The following ANKRD44 variants were observed in gnomAD, a reference collection of about 807,000 sequenced individuals.
The protein encoded by ANKRD44 is serine/threonine-protein phosphatase 6 regulatory ankyrin repeat subunit B.
In ANKRD44, 35 loss-of-function variants were observed where a neutral mutation model predicts 116.0. The ratio of observed to expected loss-of-function variants is 0.30; its 90% CI spans 0.23 to 0.40. ANKRD44 has a LOEUF of 0.40. Ranked by LOEUF, ANKRD44 falls within the 10% of genes least tolerant of loss-of-function variation. The pLI is 1.00. For missense variants in ANKRD44, 1,014 were observed against 1,242.6 expected, an observed-to-expected ratio of 0.82 and a Z score of 2.77; for synonymous variants, 435 against 461.8, an observed-to-expected ratio of 0.94 and a Z score of 0.74.
chr2:197,124,124 T>A (rs1017611616), intron 6 of ANKRD44, among the ~76,000 whole-genome samples: 3 of 152,190 alleles, frequency 2.0e-5, no homozygotes, highest in African/African-American at 7.2e-5. Flanking sequence ...TGCCACGCAG[T>A]CATTTCATAT....
At chr2:197,106,368 C>T in intron 9 of ANKRD44, among the ~76,000 whole-genome samples, 2 of 152,050 alleles carry the variant, frequency 1.3e-5, no homozygotes, top group East Asian at 3.8e-4. Context: ...TTTCTTCAAC[C>T]CGGGAGGCAG....
chr2:197,041,301 A>T (rs569691956), intron 16 of ANKRD44, among the ~76,000 whole-genome samples: 8 of 152,252 alleles, frequency 5.3e-5, no homozygotes, highest in African/African-American at 1.9e-4. Context: ...TACTTTATCC[A>T]AAAGGTCATG....
intron 10 of ANKRD44, among the ~76,000 whole-genome samples, chr2:197,096,553 A>G (rs1159545649): frequency 6.6e-6 from 1 of 152,232 alleles, no homozygotes; most frequent in African/African-American, 2.4e-5. Context: ...ATAACAAAGA[A>G]CATTCTAATC....
chr2:197,278,223 T>C (rs1391495508), intron 1 of ANKRD44, among the ~76,000 whole-genome samples: 1 of 152,076 alleles, frequency 6.6e-6, no homozygotes, highest in Non-Finnish European at 1.5e-5. Context: ...GGCTGTTAAA[T>C]TGCAAAGTGC....
rs142155624 is a variant in ANKRD44, at chr2:197,162,941, C to T, written c.112-15836G>A. Among the ~76,000 whole-genome samples, 645 of 152,306 alleles carry T rather than the reference C, an allele frequency of 4.2e-3. 2 individuals carry two copies. Among genetic ancestry groups the T allele is most frequent in the Middle Eastern group, 6.8e-3 (2 of 294 alleles). The stretch of plus-strand genomic sequence containing the variant: ...ATGCCACAATAAGAAAAGGGTCTGC[C>T]TATATGAGGGCGGCCTGCAGGTTTC... On this transcript the variant is annotated intron_variant, in intron 2 of 27. Transcript: ENST00000282272.
At chr2:197,280,193 C>T (rs6760146) in intron 1 of ANKRD44, among the ~76,000 whole-genome samples, 100,569 of 151,396 alleles carry the variant, frequency 0.66, 33,760 homozygotes, top group African/African-American at 0.74. Context: ...TCACCTTAAG[C>T]CCCCCGGGGC....
chr2:197,083,860 C>G (rs1200829845), intron 13 of ANKRD44, among the ~76,000 whole-genome samples: 1 of 152,178 alleles, frequency 6.6e-6, no homozygotes. Flanking sequence ...CCTGTATAAA[C>G]TGGAAGTGAG....
At chr2:197,235,685 A>G (rs552406685) in intron 1 of ANKRD44, among the ~76,000 whole-genome samples, 2 of 151,710 alleles carry the variant, frequency 1.3e-5, no homozygotes, top group East Asian at 3.9e-4. Context: ...ACAGCTGGGG[A>G]GATATATAAA....
At chr2:196,990,478 T>C (rs1021927588) in intron 27 of ANKRD44, 12 of 1,218,278 alleles carry the variant, frequency 9.8e-6, no homozygotes, top group Non-Finnish European at 1.1e-5. Flanking sequence ...TTAAAGAAAA[T>C]GTGAAACAAA....
At chr2:197,001,272 T>C (rs965177313) in intron 22 of ANKRD44, among the ~76,000 whole-genome samples, 1 of 152,228 alleles carries the variant, frequency 6.6e-6, no homozygotes, top group Admixed American at 6.5e-5. Context: ...TTAAAGTCAC[T>C]GTATCCTCTG....
At chr2:197,132,088 C>G (rs2079110102) in intron 4 of ANKRD44, among the ~76,000 whole-genome samples, 1 of 152,132 alleles carries the variant, frequency 6.6e-6, no homozygotes, top group South Asian at 2.1e-4. Context: ...CATTTCTTCA[C>G]AGCCTAGGGA....
At chr2:197,263,703 T>G (rs1448889535) in intron 1 of ANKRD44, among the ~76,000 whole-genome samples, 1 of 152,072 alleles carries the variant, frequency 6.6e-6, no homozygotes, top group Non-Finnish European at 1.5e-5. Context: ...AGGTGTCAAG[T>G]TTGAATTTGC....
At chr2:197,249,812 T>G (rs1367038045) in intron 1 of ANKRD44, among the ~76,000 whole-genome samples, 1 of 152,220 alleles carries the variant, frequency 6.6e-6, no homozygotes, top group Non-Finnish European at 1.5e-5. Flanking sequence ...CAAAGAAGCG[T>G]CTAGGTTTAA....
chr2:197,126,169 AG>A, intron 4 of ANKRD44, 132 bp from the exon 5 acceptor site: 1 of 772,632 alleles, frequency 1.3e-6, no homozygotes, highest in South Asian at 1.7e-5. Context: ...GCTCCAGACA[AG>A]CCAGGTAATA....
rs940890880 is a variant in ANKRD44 at position 197,212,252 on chromosome 2, G to T, written c.28-25146C>A. Among the ~76,000 whole-genome samples the T allele has an allele frequency of 6.6e-6, 1 of 152,156 alleles. No homozygotes were observed. On this transcript the variant is annotated intron_variant, in intron 1 of 27. Transcript: ENST00000282272. This position sits in a 1 kb window ranked among gnomAD's most constrained non-coding sequence, Gnocchi z 4.8. The stretch of plus-strand genomic sequence containing the variant: ...GTGGGAGCACACTGGCACCAAACAC[G>T]AAAGTCATCTGGCCTCTGAAACTGG...
At chr2:197,243,821 G>C (rs937765514) in intron 1 of ANKRD44, among the ~76,000 whole-genome samples, 11 of 152,052 alleles carry the variant, frequency 7.2e-5, no homozygotes, top group African/African-American at 2.7e-4. Context: ...ACTCCCAAAG[G>C]CTCCACCTCC....
At chr2:197,116,629 T>G (rs560987195) in intron 8 of ANKRD44, among the ~76,000 whole-genome samples, 3 of 152,348 alleles carry the variant, frequency 2.0e-5, no homozygotes, top group African/African-American at 7.2e-5. Flanking sequence ...CTCTGGCTCT[T>G]TCTCCTCCTC....
chr2:197,181,002 C>T (rs1023501158), intron 2 of ANKRD44, among the ~76,000 whole-genome samples: 2 of 151,836 alleles, frequency 1.3e-5, no homozygotes, highest in African/African-American at 2.4e-5. Context: ...ATAATTAATC[C>T]ATCTGAATTA....
At chr2:197,057,969 C>G (rs1452988404) in intron 16 of ANKRD44, among the ~76,000 whole-genome samples, 1 of 152,186 alleles carries the variant, frequency 6.6e-6, no homozygotes, top group Non-Finnish European at 1.5e-5. Flanking sequence ...ATAGAACACA[C>G]ACATTTCCAA....
Sources: gnomAD v4.1 joint callset for allele counts (sites outside exome capture counted in the v4.1 genomes callset) on GRCh38, gnomAD v4.1.1 for gene constraint, Gnocchi (gnomAD v3.1) non-coding constraint, MANE v1.5 for transcripts, NCBI Gene and HGNC (gene_info 2026-07-23, HGNC 2026-07-21) for gene names.